Variants in SUPT3H observed in about 807,000 individuals in gnomAD.
SUPT3H encodes transcription initiation protein SPT3 homolog.
Under a neutral mutation model 44.3 loss-of-function variants are expected in SUPT3H, and 44 were observed. That is an observed-to-expected ratio of 0.99 (90% CI 0.78 to 1.28). The LOEUF is 1.28. SUPT3H is among the 50% of genes most tolerant of loss of function. The pLI, the probability that SUPT3H is intolerant of heterozygous loss-of-function variation, is 0.00. For missense variants in SUPT3H, 380 were observed against 387.1 expected (o/e 0.98, Z 0.15); for synonymous variants, 124 against 125.6 (o/e 0.99, Z 0.09).
chr6:45,324,846 T>C (rs1786101907), intron 2 of SUPT3H, among the ~76,000 whole-genome samples: 1 of 151,964 alleles, frequency 6.6e-6, no homozygotes, highest in Admixed American at 6.6e-5. Flanking sequence ...CAATGCCTTG[T>C]ATACATACGC....
chr6:44,976,037 T>C (rs1383588208), intron 6 of SUPT3H, among the ~76,000 whole-genome samples: 1 of 152,194 alleles, frequency 6.6e-6, no homozygotes, highest in Non-Finnish European at 1.5e-5. Context: ...ATCATCTTAA[T>C]GCTAAAGTTT....
intron 3 of SUPT3H, among the ~76,000 whole-genome samples, chr6:45,058,215 G>C (rs1321937011): frequency 1.3e-5 from 2 of 152,164 alleles, no homozygotes; most frequent in African/African-American, 2.4e-5. Flanking sequence ...TGTGAGATCA[G>C]AGCCTCCAAA....
chr6:44,892,273 G>A (rs1472530130), intron 10 of SUPT3H, among the ~76,000 whole-genome samples: 2 of 152,072 alleles, frequency 1.3e-5, no homozygotes, highest in Admixed American at 1.3e-4. Flanking sequence ...TGACTTTACA[G>A]GATTGGTGGC....
intron 2 of SUPT3H, among the ~76,000 whole-genome samples, chr6:45,230,687 T>TATATATATATATATATATA (rs1562747092): frequency 8.8e-4 from 88 of 99,652 alleles, no homozygotes; most frequent in East Asian, 2.4e-3. Flanking sequence ...TATATATATA[T>TATATATATATATATATATA]TTTTGAGATG....
chr6:45,296,763 A>AAAAAAG (rs773626169), intron 2 of SUPT3H, among the ~76,000 whole-genome samples: 3 of 125,032 alleles, frequency 2.4e-5, no homozygotes, highest in Non-Finnish European at 3.5e-5. Context: ...AAAAAAAAAA[A>AAAAAAG]ATTACAAATA....
intron 5 of SUPT3H, among the ~76,000 whole-genome samples, chr6:45,014,250 T>A (rs930089667): frequency 2.6e-5 from 4 of 152,040 alleles, no homozygotes; most frequent in Non-Finnish European, 5.9e-5. Flanking sequence ...TGAGAGGACA[T>A]CAAACTAATA....
chr6:45,205,861 T>C (rs952620595), intron 2 of SUPT3H, among the ~76,000 whole-genome samples: 2 of 152,084 alleles, frequency 1.3e-5, no homozygotes, highest in African/African-American at 4.8e-5. Context: ...ACTAAGTTAA[T>C]GGCAGTGCTG....
intron 2 of SUPT3H, among the ~76,000 whole-genome samples, chr6:45,135,808 A>G (rs1034937541): frequency 6.6e-6 from 1 of 152,206 alleles, no homozygotes; most frequent in Non-Finnish European, 1.5e-5. Flanking sequence ...TTCTGTTATT[A>G]AAAAGCCATC....
intron 10 of SUPT3H, among the ~76,000 whole-genome samples, chr6:44,874,826 C>G (rs1484870861): frequency 4.2e-5 from 6 of 142,522 alleles, no homozygotes; most frequent in Admixed American, 1.4e-4. Context: ...AATCAATGTA[C>G]AAAAATCACA....
At chr6:44,990,057 C>G (rs745679201) in intron 6 of SUPT3H, among the ~76,000 whole-genome samples, 1 of 151,910 alleles carries the variant, frequency 6.6e-6, no homozygotes, top group Non-Finnish European at 1.5e-5. Flanking sequence ...GTGTGATATC[C>G]AAAAAATCTT....
At chr6:45,334,449 C>CAAAAAAAAA (rs551014969) in intron 2 of SUPT3H, among the ~76,000 whole-genome samples, 61 of 91,682 alleles carry the variant, frequency 6.7e-4, no homozygotes, top group East Asian at 1.5e-3. Flanking sequence ...TCAGGAAAAG[C>CAAAAAAAAA]AAAAAAAAAA....
intron 10 of SUPT3H, among the ~76,000 whole-genome samples, chr6:44,904,985 G>A (rs1220748422): frequency 2.0e-5 from 3 of 152,144 alleles, no homozygotes; most frequent in Non-Finnish European, 4.4e-5. Flanking sequence ...AGCTGAAACT[G>A]GATCCCTTCC....
intron 3 of SUPT3H, among the ~76,000 whole-genome samples, chr6:45,090,109 T>G (rs534316653): frequency 6.6e-5 from 10 of 152,082 alleles, no homozygotes; most frequent in Non-Finnish European, 1.3e-4. Context: ...AGCTCTGCAA[T>G]ATAGCTGACA....
chr6:44,833,454 T>G (rs1769239596), intron 10 of SUPT3H, among the ~76,000 whole-genome samples: 1 of 152,058 alleles, frequency 6.6e-6, no homozygotes, highest in Non-Finnish European at 1.5e-5. Flanking sequence ...ACAAGTAAAA[T>G]GCACTGAGAG....
At chr6:44,944,086 T>C (rs1461025313) in intron 9 of SUPT3H, among the ~76,000 whole-genome samples, 1 of 152,040 alleles carries the variant, frequency 6.6e-6, no homozygotes, top group African/African-American at 2.4e-5. Flanking sequence ...AAAATTATGG[T>C]ATTATGGCTT....
At chr6:45,288,287 G>A (rs1239205507) in intron 2 of SUPT3H, among the ~76,000 whole-genome samples, 2 of 151,864 alleles carry the variant, frequency 1.3e-5, no homozygotes, top group African/African-American at 4.8e-5. Flanking sequence ...GATTATAACT[G>A]AGAAGCATAA....
intron 5 of SUPT3H, among the ~76,000 whole-genome samples, chr6:45,007,876 C>T (rs1782940526): frequency 6.6e-6 from 1 of 152,076 alleles, no homozygotes; most frequent in Non-Finnish European, 1.5e-5. Context: ...AACCACTACT[C>T]TACACTCCAT....
intron 6 of SUPT3H, among the ~76,000 whole-genome samples, chr6:44,972,866 A>G (rs778828699): frequency 1.3e-5 from 2 of 152,210 alleles, no homozygotes; most frequent in Non-Finnish European, 2.9e-5. Flanking sequence ...CCAAAACTGC[A>G]CAAAGCAGCA....
chr6:44,858,042 C>T (rs964968870), intron 10 of SUPT3H, among the ~76,000 whole-genome samples: 2 of 152,176 alleles, frequency 1.3e-5, no homozygotes, highest in Non-Finnish European at 2.9e-5. Context: ...ACATTCCCTG[C>T]AGGAAGCCTT....
Sources: gnomAD v4.1 joint callset for allele counts (sites outside exome capture counted in the v4.1 genomes callset) on GRCh38, gnomAD v4.1.1 for gene constraint, MANE v1.5 for transcripts, NCBI Gene and HGNC (gene_info 2026-07-23, HGNC 2026-07-21) for gene names.